Variants in SDK1 observed in about 807,000 individuals in gnomAD.
The protein encoded by SDK1 is protein sidekick-1.
SDK1 carries 157 observed loss-of-function variants against 245.5 expected under a neutral mutation model. The ratio of observed to expected loss-of-function variants is 0.64; its 90% CI spans 0.56 to 0.73. The LOEUF is 0.73. Among genes scored for constraint, SDK1 ranks in the 30% least tolerant of loss-of-function variants. The probability of loss-of-function intolerance (pLI) is 0.00; values close to 1 mark genes in which losing one functional copy is unlikely to be tolerated. For synonymous variants in SDK1, 1,647 were observed against 1,278.5 expected (o/e 1.29, Z -6.15); for missense variants, 3,583 against 3,002.3 (o/e 1.19, Z -4.52).
intron 5 of SDK1, among the ~76,000 whole-genome samples, chr7:3,911,039 G>C (rs555095864): frequency 7.4e-4 from 112 of 152,290 alleles, no homozygotes; most frequent in African/African-American, 2.5e-3. Flanking sequence ...TTTCCAAGAG[G>C]GTGGCCTTGC....
Position 3,301,619 on chromosome 7 carries a change from T to TGGC in SDK1, c.47_49dup (p.Gly16dup), listed in dbSNP as rs957787144. The TGGC allele has an allele frequency of 1.0e-4, 101 of 968,290 alleles. 1 individual carries two copies. The Middle Eastern group carries it at 2.2e-3, about 21-fold the overall frequency. 60.0% of individuals were successfully genotyped at this position (968,290 alleles called of 1,614,324 possible). A position where few individuals can be genotyped will look rare whatever the true frequency, so the allele number is the denominator to read the frequency against. Reference sequence around the variant, plus strand: ...GGGGCGCCCGGCCCTCGGCGGCCGGTGGCGGCGGCGGCGGCGCGGAGCCCC... The same window carrying TGGC: ...GGGGCGCCCGGCCCTCGGCGGCCGGTGGCGGCGGCGGCGGCGGCGCGGAGCCCC... On this transcript the variant is annotated inframe_insertion, in exon 1 of 45. Transcript: ENST00000404826.
chr7:3,574,560 A>C (rs1015438353), intron 1 of SDK1, among the ~76,000 whole-genome samples: 2 of 152,004 alleles, frequency 1.3e-5, no homozygotes, highest in Admixed American at 6.6e-5. Context: ...TGGCCTCCCC[A>C]CTATGCCCTT....
intron 22 of SDK1, among the ~76,000 whole-genome samples, chr7:4,099,296 T>C (rs970502118): frequency 6.6e-5 from 10 of 150,830 alleles, no homozygotes; most frequent in Non-Finnish European, 2.9e-5. Flanking sequence ...AAAGACAGTT[T>C]GTTGCTGACA....
chr7:3,952,832 G>A (rs977723712), intron 7 of SDK1, among the ~76,000 whole-genome samples: 1 of 152,198 alleles, frequency 6.6e-6, no homozygotes, highest in African/African-American at 2.4e-5. Flanking sequence ...TAGGGAGTGT[G>A]CATTGTACAG....
intron 8 of SDK1, among the ~76,000 whole-genome samples, 159 bp downstream of exon 8, chr7:3,959,173 T>C (rs1475709814): frequency 6.6e-6 from 1 of 152,034 alleles, no homozygotes; most frequent in African/African-American, 2.4e-5. Context: ...TGACTGTGGG[T>C]AAGGCATTTG....
At chr7:3,656,316 T>G (rs1013447903) in intron 4 of SDK1, among the ~76,000 whole-genome samples, 1 of 152,202 alleles carries the variant, frequency 6.6e-6, no homozygotes, top group African/African-American at 2.4e-5. Context: ...CTAGATAGTT[T>G]GTTTCACAGT....
At chr7:3,986,406 G>T (rs1783828256) in intron 13 of SDK1, among the ~76,000 whole-genome samples, 1 of 152,144 alleles carries the variant, frequency 6.6e-6, no homozygotes. Context: ...CAACTGTGTG[G>T]TCTAAGAATA....
chr7:3,970,821 G>C (rs1287992109), intron 11 of SDK1, among the ~76,000 whole-genome samples: 3 of 152,158 alleles, frequency 2.0e-5, no homozygotes, highest in Non-Finnish European at 4.4e-5. Context: ...CAGAGGTCAG[G>C]CTTGCCCTCG....
intron 4 of SDK1, among the ~76,000 whole-genome samples, chr7:3,673,707 C>T (rs1783794473): frequency 1.3e-5 from 2 of 152,058 alleles, no homozygotes; most frequent in South Asian, 2.1e-4. Context: ...CCTGGAGGGC[C>T]CAAAACTGCG....
chr7:3,343,401 A>G (rs1210332571), intron 1 of SDK1, among the ~76,000 whole-genome samples: 2 of 152,198 alleles, frequency 1.3e-5, no homozygotes, highest in South Asian at 2.1e-4. Flanking sequence ...AGCCTATTCT[A>G]AAAGGTTATA....
chr7:3,551,568 T>C (rs899562882), intron 1 of SDK1, among the ~76,000 whole-genome samples: 4 of 152,128 alleles, frequency 2.6e-5, no homozygotes, highest in African/African-American at 9.7e-5. Flanking sequence ...TGGTTTTTTT[T>C]TTTTTAATTT....
chr7:3,320,169 T>G (rs1257271295), intron 1 of SDK1, among the ~76,000 whole-genome samples: 5 of 152,090 alleles, frequency 3.3e-5, no homozygotes, highest in African/African-American at 1.2e-4. Context: ...CATTCTCTCC[T>G]GCCCGTCCTT....
At chr7:4,000,166 G>T (rs958973725) in intron 14 of SDK1, among the ~76,000 whole-genome samples, 1 of 152,240 alleles carries the variant, frequency 6.6e-6, no homozygotes, top group East Asian at 1.9e-4. Flanking sequence ...AGGCCTGGAC[G>T]TGGAAGTAGG....
chr7:3,850,231 C>T (rs1368864054), intron 5 of SDK1, among the ~76,000 whole-genome samples: 2 of 152,226 alleles, frequency 1.3e-5, no homozygotes, highest in Non-Finnish European at 2.9e-5. Context: ...AAGCCTTCTT[C>T]TCTGCATCCA....
chr7:4,178,511 G>A lies in SDK1; in HGVS notation c.5023G>A (p.Val1675Ile). The A allele has an allele frequency of 6.2e-7, 1 of 1,613,852 alleles. No homozygotes were observed. The highest frequency in any genetic ancestry group is 8.5e-7 in the Non-Finnish European group (1 of 1,179,810). ...TTTAAAGAAGTACCGGCGCTATGAA[G>A]TAATAATGACCGCCTATAACATCAT... Reference protein sequence around the residue: ...THLKKYRRYEVIMTAYNIIGE... With the variant: ...THLKKYRRYEIIMTAYNIIGE... The change falls in exon 35 of 45, where the codon GTA becomes ATA. Residue 1675 changes from valine (V) to isoleucine (I), a missense_variant. Coordinates refer to ENST00000404826, the MANE Select transcript of SDK1 (RefSeq NM_152744.4).
intron 4 of SDK1, among the ~76,000 whole-genome samples, chr7:3,677,190 G>A (rs181890242): frequency 3.9e-5 from 6 of 152,268 alleles, no homozygotes; most frequent in South Asian, 2.1e-4. Flanking sequence ...CTCTGTGTGC[G>A]AAGGGGTATG....
intron 5 of SDK1, among the ~76,000 whole-genome samples, chr7:3,936,056 T>A (rs1237384775): frequency 6.6e-6 from 1 of 152,232 alleles, no homozygotes; most frequent in Non-Finnish European, 1.5e-5. Flanking sequence ...TACGATTCAT[T>A]CTTGAAAAGG....
intron 4 of SDK1, among the ~76,000 whole-genome samples, chr7:3,682,184 A>G (rs1784120419): frequency 6.6e-6 from 1 of 152,204 alleles, no homozygotes; most frequent in Non-Finnish European, 1.5e-5. Context: ...GTGAGATGAT[A>G]GGCAACCCAG....
chr7:4,086,956 T>A (rs1388558792), intron 22 of SDK1, among the ~76,000 whole-genome samples: 1 of 151,890 alleles, frequency 6.6e-6, no homozygotes, highest in Non-Finnish European at 1.5e-5. Context: ...TTCCCAGACA[T>A]TGCCAAATCC....
Sources: gnomAD v4.1 joint callset for allele counts (sites outside exome capture counted in the v4.1 genomes callset) on GRCh38, gnomAD v4.1.1 for gene constraint, MANE v1.5 for transcripts, NCBI Gene and HGNC (gene_info 2026-07-23, HGNC 2026-07-21) for gene names.